The following THNSL1 variants were observed in gnomAD, a reference collection of about 807,000 sequenced individuals.
The protein encoded by THNSL1 is threonine synthase-like 1.
In THNSL1, 48 loss-of-function variants were observed where a neutral mutation model predicts 50.4. That is an observed-to-expected ratio of 0.95 (90% CI 0.76 to 1.21). The LOEUF (loss-of-function observed/expected upper bound fraction) is 1.21, where lower values mean the gene tolerates loss of function less well. Ranked by LOEUF, THNSL1 falls within the 50% of genes most tolerant of loss-of-function variation. THNSL1 has a pLI of 0.00. For missense variants in THNSL1, 896 were observed against 871.7 expected (o/e 1.03, Z -0.35); for synonymous variants, 309 against 306.1 (o/e 1.01, Z -0.10).
the THNSL1 span, among the ~76,000 whole-genome samples, chr10:25,004,937 A>G: frequency 2.0e-5 from 3 of 152,084 alleles, no homozygotes; most frequent in African/African-American, 7.2e-5. Flanking sequence ...TAATTTTTGT[A>G]TATGGTGAGA....
At chr10:24,952,534 G>T in the THNSL1 span, 1 of 1,588,586 alleles carries the variant, frequency 6.3e-7, no homozygotes, top group Non-Finnish European at 8.6e-7. The surrounding 1 kb of genome is among the most constrained non-coding windows in gnomAD (Gnocchi z 5.1). Context: ...TTACCACGAC[G>T]CCTCGCCCGT....
chr10:24,984,556 A>T, the THNSL1 span: 1 of 1,066,684 alleles, frequency 9.4e-7, no homozygotes, highest in South Asian at 1.8e-5. Context: ...TAAAAACAAA[A>T]TTTCTTCTTG....
At chr10:24,952,667 C>T in the THNSL1 span, 9 of 31,022 alleles carry the variant, frequency 2.9e-4, no homozygotes, top group African/African-American at 3.7e-3. The surrounding 1 kb of genome is among the most constrained non-coding windows in gnomAD (Gnocchi z 5.1). Context: ...GGGATGGGGA[C>T]GGGGACGGGG....
the THNSL1 span, among the ~76,000 whole-genome samples, chr10:25,001,094 T>C: frequency 6.6e-6 from 1 of 152,078 alleles, no homozygotes; most frequent in African/African-American, 2.4e-5. Context: ...TAATTGTATT[T>C]TAAATACATT....
chr10:25,020,565 G>C (rs368371568), intron 1 of THNSL1, among the ~76,000 whole-genome samples: 2 of 151,896 alleles, frequency 1.3e-5, no homozygotes, highest in East Asian at 3.9e-4. Flanking sequence ...TCAGGAGTTC[G>C]AGATCAGTCT....
Position 25,023,247 on chromosome 10 carries a change from T to A in THNSL1, c.24T>A (p.His8Gln). 1 of 1,612,598 alleles carries A rather than the reference T, an allele frequency of 6.2e-7. No individual in the cohort carries two copies. The highest frequency in any genetic ancestry group is 8.5e-7 in the Non-Finnish European group (1 of 1,179,030). The change falls in exon 3 of 3, where the codon CAT becomes CAA. Residue 8 changes from histidine (H) to glutamine (Q), a missense_variant. Transcript: ENST00000376356. Reference protein sequence around the residue: MLHFNRCHHLKKITQKCF... With the variant: MLHFNRCQHLKKITQKCF... ...GAATGCTCCACTTTAACCGATGTCA[T>A]CATCTGAAAAAGATAACACAGAAAT...
chr10:24,976,081 C>T, the THNSL1 span, among the ~76,000 whole-genome samples: 5 of 152,182 alleles, frequency 3.3e-5, no homozygotes, highest in African/African-American at 1.2e-4. Context: ...CCTTTCTACC[C>T]CTTCCTGGGA....
chr10:24,968,597 TCTC>T, the THNSL1 span, among the ~76,000 whole-genome samples: 4 of 152,172 alleles, frequency 2.6e-5, no homozygotes, highest in Non-Finnish European at 4.4e-5. Context: ...CACTGCCTCT[TCTC>T]CTCCTTTGTA....
the THNSL1 span, among the ~76,000 whole-genome samples, chr10:24,969,872 C>CA: frequency 5.9e-5 from 9 of 152,190 alleles, no homozygotes; most frequent in African/African-American, 1.7e-4. Flanking sequence ...TATCCTTTTG[C>CA]ATAGCAACAT....
chr10:25,000,702 T>C, the THNSL1 span, among the ~76,000 whole-genome samples: 2 of 152,160 alleles, frequency 1.3e-5, no homozygotes, highest in South Asian at 2.1e-4. Context: ...AGTTTTCCTA[T>C]AGACTGCATA....
At chr10:25,013,632 A>G (rs993724698), upstream of THNSL1, among the ~76,000 whole-genome samples, 9 of 152,248 alleles carry the variant, frequency 5.9e-5, no homozygotes, top group African/African-American at 2.2e-4. Context: ...GAGATATTCA[A>G]TAACTGCAGA....
the THNSL1 span, among the ~76,000 whole-genome samples, chr10:25,000,124 G>T: frequency 6.6e-6 from 1 of 152,028 alleles, no homozygotes; most frequent in Non-Finnish European, 1.5e-5. Context: ...AGTTTTCATA[G>T]ATTTGGGATT....
At chr10:24,963,012 A>C in the THNSL1 span, among the ~76,000 whole-genome samples, 2 of 151,286 alleles carry the variant, frequency 1.3e-5, no homozygotes, top group African/African-American at 2.5e-5. Flanking sequence ...CCAGATGCTG[A>C]ACCCAGAAAT....
At chr10:25,003,753 G>A in the THNSL1 span, among the ~76,000 whole-genome samples, 2 of 152,200 alleles carry the variant, frequency 1.3e-5, no homozygotes, top group South Asian at 4.1e-4. Flanking sequence ...GGGGTTTGTT[G>A]TACAGATTAT....
chr10:24,962,200 T>A, the THNSL1 span, among the ~76,000 whole-genome samples: 1 of 152,246 alleles, frequency 6.6e-6, no homozygotes, highest in South Asian at 2.1e-4. Context: ...TCTTGCGTTA[T>A]CAACTCGTTC....
At chr10:24,999,696 G>C in the THNSL1 span, 3 of 747,600 alleles carry the variant, frequency 4.0e-6, no homozygotes, top group Non-Finnish European at 6.3e-6. Context: ...CCTGAGCCCT[G>C]TCCATCAGAC....
the THNSL1 span, among the ~76,000 whole-genome samples, chr10:24,963,803 C>T: frequency 1.3e-5 from 2 of 152,042 alleles, no homozygotes; most frequent in Non-Finnish European, 2.9e-5. Flanking sequence ...AGAAACATTC[C>T]CCATTTCACA....
At chr10:24,967,361 T>C in the THNSL1 span, among the ~76,000 whole-genome samples, 1 of 152,160 alleles carries the variant, frequency 6.6e-6, no homozygotes, top group African/African-American at 2.4e-5. Flanking sequence ...CTTTAATGGA[T>C]GTTCTGCCCA....
At chr10:24,984,693 T>C in the THNSL1 span, 37 of 1,521,702 alleles carry the variant, frequency 2.4e-5, no homozygotes, top group Middle Eastern at 1.8e-4. Context: ...CATGTTTTTT[T>C]CCCCTACATT....
Sources: gnomAD v4.1 joint callset for allele counts (sites outside exome capture counted in the v4.1 genomes callset) on GRCh38, gnomAD v4.1.1 for gene constraint, Gnocchi (gnomAD v3.1) non-coding constraint, MANE v1.5 for transcripts, NCBI Gene and HGNC (gene_info 2026-07-23, HGNC 2026-07-21) for gene names.